Variants in MAP3K21 observed in about 807,000 individuals in gnomAD.
MAP3K21 encodes the protein mitogen-activated protein kinase kinase kinase MLK4.
In MAP3K21, 63 loss-of-function variants were observed where a neutral mutation model predicts 86.1. The ratio of observed to expected loss-of-function variants is 0.73; its 90% CI spans 0.60 to 0.90. The LOEUF is 0.90. Ranked by LOEUF, MAP3K21 falls within the 40% of genes least tolerant of loss-of-function variation. The pLI, the probability that MAP3K21 is intolerant of heterozygous loss-of-function variation, is 0.00. For synonymous variants in MAP3K21, 558 were observed against 564.8 expected (o/e 0.99, Z 0.17); for missense variants, 1,220 against 1,367.7 (o/e 0.89, Z 1.70).
chr1:233,342,594 G>A (rs945795489), intron 1 of MAP3K21, among the ~76,000 whole-genome samples: 1 of 152,108 alleles, frequency 6.6e-6, no homozygotes, highest in Non-Finnish European at 1.5e-5. Context: ...AGAAGTCTTA[G>A]GTAAAAAGAT....
rs1010745100 is a variant in MAP3K21 at position 233,336,369 on chromosome 1, T to C, written c.805+7536T>C. Among the ~76,000 whole-genome samples the C allele has an allele frequency of 5.3e-5, 8 of 152,046 alleles. 1 individual carries two copies. Among genetic ancestry groups the C allele is most frequent in the Admixed American group, 3.9e-4 (6 of 15,260 alleles). ...CAGCCTGGCCAACATGGTGAAACCC[T>C]GTCTCTACTAAAAATACAGAAATTA... On this transcript the variant is annotated intron_variant, in intron 1 of 9. Coordinates refer to ENST00000366624, the MANE Select transcript of MAP3K21 (RefSeq NM_032435.3).
intron 8 of MAP3K21, 41 bp downstream of exon 8, chr1:233,376,568 T>G: frequency 7.2e-7 from 1 of 1,396,860 alleles, no homozygotes; most frequent in Non-Finnish European, 1.0e-6. Flanking sequence ...TGAGCAGTCC[T>G]TGGCATCTGA....
Position 233,338,163 on chromosome 1 carries a change from T to C in MAP3K21, c.806-8279T>C, listed in dbSNP as rs368051945. 5.9e-5 allele frequency among the ~76,000 whole-genome samples: 9 copies of C among 152,334 alleles called. No individual in the cohort carries two copies. The East Asian group carries it at 1.7e-3, about 29-fold the overall frequency. ...TAAAACTGAGTATACTACATGTCCA[T>C]GTAAAGGCTTGTCCCATGAAAGATG... On this transcript the variant is annotated intron_variant, in intron 1 of 9. Coordinates refer to ENST00000366624, the MANE Select transcript of MAP3K21 (RefSeq NM_032435.3).
At chr1:233,349,648 G>A (rs937565853) in intron 2 of MAP3K21, among the ~76,000 whole-genome samples, 4 of 152,116 alleles carry the variant, frequency 2.6e-5, no homozygotes, top group African/African-American at 9.7e-5. Flanking sequence ...ATTAAAAGCA[G>A]AAGATACCAG....
At chr1:233,348,030 T>G (rs888554518) in intron 2 of MAP3K21, among the ~76,000 whole-genome samples, 1 of 152,232 alleles carries the variant, frequency 6.6e-6, no homozygotes, top group Non-Finnish European at 1.5e-5. Context: ...ATTTAAATTG[T>G]ACAGTTTGAT....
intron 1 of MAP3K21, among the ~76,000 whole-genome samples, chr1:233,337,126 C>T (rs1400705269): frequency 1.3e-5 from 2 of 152,142 alleles, no homozygotes; most frequent in Non-Finnish European, 1.5e-5. Context: ...GCAAATTTCT[C>T]CTGTATAGGG....
chr1:233,353,965 G>A lies in MAP3K21; in HGVS notation c.1135+10G>A. 2 of 1,501,260 alleles carry A rather than the reference G, an allele frequency of 1.3e-6. No homozygotes were observed. Among genetic ancestry groups the A allele is most frequent in the Non-Finnish European group, 1.8e-6 (2 of 1,120,670 alleles). The allele number at this position is 1,501,260 out of a possible 1,614,324, so 93.0% of individuals were successfully genotyped here. A position where few individuals can be genotyped will look rare whatever the true frequency, so the allele number is the denominator to read the frequency against. Reference sequence around the variant, plus strand: ...GCCAAGCTCATGAAAGGTATTGTGTGTGTGTGTGTGTGTCTTTGTGGGGGC... The same window carrying A: ...GCCAAGCTCATGAAAGGTATTGTGTATGTGTGTGTGTGTCTTTGTGGGGGC... On this transcript the variant is annotated intron_variant, in intron 3 of 9. Coordinates refer to ENST00000366624, the MANE Select transcript of MAP3K21 (RefSeq NM_032435.3).
Position 233,353,963 on chromosome 1 carries a change from G to C in MAP3K21, c.1135+8G>C. ...TTGCCAAGCTCATGAAAGGTATTGT[G>C]TGTGTGTGTGTGTGTCTTTGTGGGG... is the stretch of plus-strand genomic sequence containing the variant. On this transcript the variant is annotated splice_region_variant and intron_variant, in intron 3 of 9. Transcript: ENST00000366624. 7.5e-7 allele frequency: 1 copy of C among 1,327,442 alleles called. No homozygotes were observed. The highest frequency in any genetic ancestry group is 1.0e-6 in the Non-Finnish European group (1 of 1,000,626). 82.2% of individuals were successfully genotyped at this position (1,327,442 alleles called of 1,614,324 possible).
chr1:233,345,086 A>G (rs1483488746), intron 1 of MAP3K21, among the ~76,000 whole-genome samples: 1 of 152,150 alleles, frequency 6.6e-6, no homozygotes, highest in African/African-American at 2.4e-5. Flanking sequence ...GAAACAACAG[A>G]TGCTGGAGAG....
At chr1:233,346,339 A>G (rs1044241480) in intron 1 of MAP3K21, 103 bp from the exon 2 acceptor site, 2 of 864,582 alleles carry the variant, frequency 2.3e-6, no homozygotes, top group East Asian at 2.6e-5. Flanking sequence ...ATTCTTGTTT[A>G]TTCTGCCAAC....
At chr1:233,339,484 T>TCCTCCTTC (rs1220088153) in intron 1 of MAP3K21, among the ~76,000 whole-genome samples, 5 of 132,584 alleles carry the variant, frequency 3.8e-5, no homozygotes, top group South Asian at 2.3e-4. Context: ...CTTCTTCTTC[T>TCCTCCTTC]TCTTTTTTTT....
intron 1 of MAP3K21, among the ~76,000 whole-genome samples, chr1:233,330,475 G>A (rs1393983845): frequency 6.6e-6 from 1 of 152,046 alleles, no homozygotes; most frequent in East Asian, 1.9e-4. Flanking sequence ...GTCTGACCAG[G>A]TGCTGCCATA....
intron 6 of MAP3K21, chr1:233,372,560 GA>G (rs1663706360): frequency 4.8e-6 from 1 of 206,944 alleles, no homozygotes; most frequent in Non-Finnish European, 9.5e-6. Flanking sequence ...TTCGTGAGGG[GA>G]AAAAATTTTT....
rs1663229082 is a variant in MAP3K21 at position 233,350,420 on chromosome 1, T to C, written c.987-3387T>C. Reference sequence around the variant, plus strand: ...TCATATACAAAAGCACATTGTAGGATATCCGGATGGGCAAAAGCAGGGCAG... The same window carrying C: ...TCATATACAAAAGCACATTGTAGGACATCCGGATGGGCAAAAGCAGGGCAG... On this transcript the variant is annotated intron_variant, in intron 2 of 9. Coordinates refer to ENST00000366624, the MANE Select transcript of MAP3K21 (RefSeq NM_032435.3). 2.0e-5 allele frequency among the ~76,000 whole-genome samples: 3 copies of C among 152,164 alleles called. No homozygotes were observed. In the South Asian group the frequency reaches 6.2e-4, roughly 31 times the overall value.
chr1:233,383,343 A>G lies in MAP3K21; in HGVS notation c.*632A>G, dbSNP rs201389371. 6 of 151,414 alleles carry G rather than the reference A, an allele frequency of 4.0e-5. No individual in the cohort carries two copies. In the East Asian group the frequency reaches 1.2e-3, roughly 30 times the overall value. The allele number at this position is 151,414 out of a possible 1,614,324, so 9.4% of individuals were successfully genotyped here. The stretch of plus-strand genomic sequence containing the variant: ...GTCCAGTTCTCACTTAAATTATGCA[A>G]TGATATTTCTCTCTGAGGAAATTAT... On this transcript the variant is annotated 3_prime_UTR_variant, in exon 10 of 10. Transcript: ENST00000366624.
At chr1:233,360,664 T>G (rs1032632243) in intron 4 of MAP3K21, among the ~76,000 whole-genome samples, 5 of 152,326 alleles carry the variant, frequency 3.3e-5, no homozygotes, top group African/African-American at 9.6e-5. Flanking sequence ...TCTTCCTGTT[T>G]ATTTTCTTTA....
chr1:233,370,873 C>T (rs77608520), intron 5 of MAP3K21, among the ~76,000 whole-genome samples: 2 of 152,304 alleles, frequency 1.3e-5, no homozygotes, highest in African/African-American at 4.8e-5. Flanking sequence ...CATCACCAGA[C>T]AAAATCTACA....
At chr1:233,372,016 T>A in intron 5 of MAP3K21, 22 bp from the exon 6 acceptor site, 1 of 1,606,330 alleles carries the variant, frequency 6.2e-7, no homozygotes, top group Non-Finnish European at 8.5e-7. Flanking sequence ...AAATACCAGT[T>A]CTCCCTTTTT....
intron 4 of MAP3K21, among the ~76,000 whole-genome samples, chr1:233,361,608 T>G (rs1416249767): frequency 6.6e-6 from 1 of 152,226 alleles, no homozygotes; most frequent in Non-Finnish European, 1.5e-5. Flanking sequence ...ATAATTATGC[T>G]TTAATTAATT....
Sources: allele counts gnomAD v4.1 joint callset (sites outside exome capture counted in the v4.1 genomes callset), GRCh38; gene constraint gnomAD v4.1.1; transcripts MANE v1.5; gene names NCBI Gene and HGNC (gene_info 2026-07-23, HGNC 2026-07-21).